Variants in TPRA1 observed in about 807,000 individuals in gnomAD.
The protein encoded by TPRA1 is transmembrane protein adipocyte-associated 1.
A neutral mutation model predicts 40.1 loss-of-function variants in TPRA1; 28 were observed. The observed-to-expected ratio is 0.70, with a 90% CI of 0.52 to 0.96. The LOEUF is 0.96. Among genes scored for constraint, TPRA1 ranks in the 40% least tolerant of loss-of-function variants. The probability of loss-of-function intolerance (pLI) is 0.00; values close to 1 mark genes in which losing one functional copy is unlikely to be tolerated. For synonymous variants in TPRA1, 219 were observed against 209.7 expected, an observed-to-expected ratio of 1.04 and a Z score of -0.38; for missense variants, 441 against 482.6, an observed-to-expected ratio of 0.91 and a Z score of 0.81.
chr3:127,592,622 T>C (rs1216432940), upstream of TPRA1, among the ~76,000 whole-genome samples: 2 of 151,556 alleles, frequency 1.3e-5, no homozygotes, highest in African/African-American at 4.9e-5. Flanking sequence ...CCTGACCTCA[T>C]GATCCACCCG....
rs954956976 is a variant in TPRA1 at position 127,576,346 on chromosome 3, G to C, written c.498+271C>G. Among the ~76,000 whole-genome samples, 1 of 152,150 alleles carries C rather than the reference G, an allele frequency of 6.6e-6. No individual in the cohort carries two copies. Among genetic ancestry groups the C allele is most frequent in the African/African-American group, 2.4e-5 (1 of 41,440 alleles). ...GGGCCTCTAGATGCATGCTTCTCAGGGGGGTCTGCGGACCTGCACCATCCC... is the reference window on the plus strand; with the variant it reads ...GGGCCTCTAGATGCATGCTTCTCAGCGGGGTCTGCGGACCTGCACCATCCC... On this transcript the variant is annotated intron_variant, in intron 6 of 10. Transcript: ENST00000355552. The surrounding 1 kb of genome is among the most constrained non-coding windows in gnomAD (Gnocchi z 4.6).
chr3:127,595,508 T>C (rs1021540585), upstream of TPRA1: 9 of 152,276 alleles, frequency 5.9e-5, no homozygotes, highest in African/African-American at 2.2e-4. Context: ...AGCCCAGATC[T>C]GCTATCGCCA....
chr3:127,574,900 G>T (rs574189088), intron 10 of TPRA1: 3 of 488,910 alleles, frequency 6.1e-6, no homozygotes, highest in Non-Finnish European at 1.1e-5. Context: ...GCATATGCCC[G>T]TGTGTATCCG....
rs946374042 is a variant in TPRA1, at chr3:127,572,168, C to T, written c.*1353G>A. 7.2e-5 allele frequency among the ~76,000 whole-genome samples: 11 copies of T among 152,212 alleles called. No homozygotes were observed. Among genetic ancestry groups the T allele is most frequent in the Non-Finnish European group, 1.2e-4 (8 of 68,032 alleles). The stretch of plus-strand genomic sequence containing the variant: ...CTCCAGGCCCTCCCAGGGAGCCTGA[C>T]ACATTGGCCCCACAGACATGAGCTG... On this transcript the variant is annotated 3_prime_UTR_variant, in exon 11 of 11. Coordinates refer to ENST00000355552, the MANE Select transcript of TPRA1 (RefSeq NM_001136053.4).
chr3:127,580,185 A>G, intron 1 of TPRA1, 22 bp from the exon 2 acceptor site: 1 of 1,602,680 alleles, frequency 6.2e-7, no homozygotes, highest in Non-Finnish European at 8.5e-7. Flanking sequence ...AGAGCCGCCC[A>G]GTGAGCTGTG....
chr3:127,586,114 TG>T (rs983944725), intron 1 of TPRA1, among the ~76,000 whole-genome samples: 1 of 152,024 alleles, frequency 6.6e-6, no homozygotes, highest in East Asian at 1.9e-4. Flanking sequence ...TGATGCCTCA[TG>T]GGGGGATCTG....
chr3:127,576,106 C>A lies in TPRA1; in HGVS notation c.499-56G>T. 1 of 1,422,512 alleles carries A rather than the reference C, an allele frequency of 7.0e-7. No individual in the cohort carries two copies. The highest frequency in any genetic ancestry group is 1.2e-5 in the South Asian group (1 of 84,828). The allele number at this position is 1,422,512 out of a possible 1,614,324, so 88.1% of individuals were successfully genotyped here. A position where few individuals can be genotyped will look rare whatever the true frequency, so the allele number is the denominator to read the frequency against. On this transcript the variant is annotated intron_variant, in intron 6 of 10. Coordinates refer to ENST00000355552, the MANE Select transcript of TPRA1 (RefSeq NM_001136053.4). The surrounding 1 kb of genome is among the most constrained non-coding windows in gnomAD (Gnocchi z 4.6). ...AGAGGATCTCAAGGCTTCTCTCTCC[C>A]AGGGGCTTTCCCTGATGCAAAGCCC...
Position 127,573,469 on chromosome 3 carries a change from G to C in TPRA1, c.*52C>G. On this transcript the variant is annotated 3_prime_UTR_variant, in exon 11 of 11. Transcript: ENST00000355552. Reference sequence around the variant, plus strand: ...TGGTCCTCCTCCCCTGGGGACTCTGGGCCTGCTGGCCTCCTCTCTGGCCTG... The same window carrying C: ...TGGTCCTCCTCCCCTGGGGACTCTGCGCCTGCTGGCCTCCTCTCTGGCCTG... 1.3e-6 allele frequency: 2 copies of C among 1,561,838 alleles called. No homozygotes were observed. The highest frequency in any genetic ancestry group is 1.7e-6 in the Non-Finnish European group (2 of 1,153,642).
chr3:127,592,375 T>C (rs934176626), upstream of TPRA1, among the ~76,000 whole-genome samples: 1 of 131,516 alleles, frequency 7.6e-6, no homozygotes, highest in African/African-American at 2.8e-5. Flanking sequence ...CTGTTTTTTT[T>C]TTTTTTTTTT....
chr3:127,592,402 G>T (rs1301122947), upstream of TPRA1, among the ~76,000 whole-genome samples: 1 of 121,460 alleles, frequency 8.2e-6, no homozygotes, highest in Non-Finnish European at 1.7e-5. Context: ...TTTTTGAGAC[G>T]GAGTCTCGCT....
upstream of TPRA1, chr3:127,598,224 G>T: frequency 3.3e-6 from 2 of 599,146 alleles, no homozygotes; most frequent in Middle Eastern, 4.4e-4. Flanking sequence ...CACAGCGCAG[G>T]CGAGCGCACG....
At chr3:127,574,937 C>T (rs913112472) in intron 10 of TPRA1, 1 of 559,720 alleles carries the variant, frequency 1.8e-6, no homozygotes, top group South Asian at 2.0e-5. Context: ...TGTGCATGTG[C>T]ATGTGTGCAT....
chr3:127,592,287 C>T (rs1268220054), upstream of TPRA1, among the ~76,000 whole-genome samples: 1 of 152,104 alleles, frequency 6.6e-6, no homozygotes. Flanking sequence ...CTAATAACTA[C>T]CCTCTGTAAG....
intron 3 of TPRA1, 45 bp downstream of exon 3, chr3:127,579,695 T>C (rs1559839223): frequency 6.2e-7 from 1 of 1,604,944 alleles, no homozygotes; most frequent in Non-Finnish European, 8.5e-7. Flanking sequence ...CCTTTTTGTT[T>C]AACCCAGTTG....
intron 1 of TPRA1, among the ~76,000 whole-genome samples, chr3:127,583,579 A>G (rs2073900745): frequency 2.0e-5 from 3 of 152,152 alleles, no homozygotes; most frequent in Non-Finnish European, 4.4e-5. Flanking sequence ...TATTAAAGAG[A>G]ACAAATGCCT....
At chr3:127,575,919 C>A (rs373208690) in intron 7 of TPRA1, 21 bp downstream of exon 7, 5 of 1,613,098 alleles carry the variant, frequency 3.1e-6, no homozygotes, top group Non-Finnish European at 4.2e-6. Context: ...GCCACCCCAG[C>A]TGCCCCAGCC....
At chr3:127,579,491 T>C (rs2073755183) in intron 3 of TPRA1, among the ~76,000 whole-genome samples, 1 of 152,128 alleles carries the variant, frequency 6.6e-6, no homozygotes, top group Admixed American at 6.5e-5. Flanking sequence ...AAACAGGCAC[T>C]GTTTGCCTGA....
chr3:127,580,891 G>T (rs1224927371), intron 1 of TPRA1, among the ~76,000 whole-genome samples: 1 of 152,250 alleles, frequency 6.6e-6, no homozygotes, highest in Non-Finnish European at 1.5e-5. Flanking sequence ...AGAGGGGCAA[G>T]GCAAGTGTGT....
intron 1 of TPRA1, among the ~76,000 whole-genome samples, chr3:127,583,676 C>CTT (rs371220589): frequency 7.0e-6 from 1 of 143,746 alleles, no homozygotes. Context: ...TTCACACATG[C>CTT]TTTTTTTTTT....
Sources: allele counts gnomAD v4.1 joint callset (sites outside exome capture counted in the v4.1 genomes callset), GRCh38; gene constraint gnomAD v4.1.1; non-coding constraint Gnocchi (gnomAD v3.1); transcripts MANE v1.5; gene names NCBI Gene and HGNC (gene_info 2026-07-23, HGNC 2026-07-21).